ATP8B4: variants seen among roughly 807,000 people sequenced by gnomAD.
ATP8B4 encodes ATPase phospholipid transporting 8B4 (putative).
ATP8B4 carries 133 observed loss-of-function variants against 145.6 expected under a neutral mutation model. The observed-to-expected ratio is 0.91, with a 90% CI of 0.79 to 1.05. The LOEUF is 1.05. Ranked by LOEUF, ATP8B4 falls within the 50% of genes least tolerant of loss-of-function variation. The pLI, the probability that ATP8B4 is intolerant of heterozygous loss-of-function variation, is 0.00. For missense variants in ATP8B4, 1,458 were observed against 1,425.2 expected, an observed-to-expected ratio of 1.02 and a Z score of -0.37; for synonymous variants, 507 against 492.9, an observed-to-expected ratio of 1.03 and a Z score of -0.38.
intron 15 of ATP8B4, among the ~76,000 whole-genome samples, chr15:49,933,778 CTTT>C (rs768567152): frequency 2.6e-5 from 4 of 152,134 alleles, no homozygotes; most frequent in Non-Finnish European, 4.4e-5. Flanking sequence ...GTCCTTGTTT[CTTT>C]TCTTTTTCAC....
chr15:50,089,362 T>A (rs1048466565), intron 2 of ATP8B4, among the ~76,000 whole-genome samples: 2 of 151,944 alleles, frequency 1.3e-5, no homozygotes, highest in South Asian at 2.1e-4. Context: ...TGGGAAAAAA[T>A]TTTTGCAATC....
chr15:50,076,085 T>C (rs999776775), intron 2 of ATP8B4, among the ~76,000 whole-genome samples: 1 of 152,246 alleles, frequency 6.6e-6, no homozygotes, highest in African/African-American at 2.4e-5. Context: ...ATTCAGATGA[T>C]GATCCTTCTA....
intron 25 of ATP8B4, among the ~76,000 whole-genome samples, chr15:49,873,580 A>T (rs1222150094): frequency 6.6e-6 from 1 of 152,166 alleles, no homozygotes; most frequent in Non-Finnish European, 1.5e-5. Flanking sequence ...CTGATTTGTG[A>T]TTACATGTGA....
At chr15:49,886,387 T>C (rs1382833038) in intron 23 of ATP8B4, among the ~76,000 whole-genome samples, 4 of 152,000 alleles carry the variant, frequency 2.6e-5, no homozygotes, top group Non-Finnish European at 4.4e-5. Context: ...GTGAGCACCA[T>C]ATTATGGAAG....
chr15:50,043,239 CCCAAGACTATGT>C (rs1226183084), intron 5 of ATP8B4, among the ~76,000 whole-genome samples: 1 of 152,160 alleles, frequency 6.6e-6, no homozygotes, highest in African/African-American at 2.4e-5. Flanking sequence ...GTTTGGTTTT[CCCAAGACTATGT>C]TTTGTCTTTG....
At position 50,070,568 on chromosome 15, in the gene ATP8B4, A is replaced by G. The variant is rs112223646; in HGVS notation, c.87+3559T>C. 5.9e-5 allele frequency among the ~76,000 whole-genome samples: 9 copies of G among 152,278 alleles called. 2 individuals are homozygous for G. Among genetic ancestry groups the G allele is most frequent in the African/African-American group, 2.2e-4 (9 of 41,558 alleles). On this transcript the variant is annotated intron_variant, in intron 3 of 27. Coordinates refer to ENST00000284509, the MANE Select transcript of ATP8B4 (RefSeq NM_024837.4). ...TGTAGTTGGGGGTCCCATGCTCCTAAGAGCATGGCAGGTGCTCATTTTCTC... is the reference window on the plus strand; with the variant it reads ...TGTAGTTGGGGGTCCCATGCTCCTAGGAGCATGGCAGGTGCTCATTTTCTC...
chr15:49,972,874 G>C (rs77124965), intron 12 of ATP8B4, 84 bp from the exon 13 acceptor site: 57,718 of 1,379,666 alleles, frequency 0.042, 1,875 homozygotes, highest in East Asian at 0.18. Context: ...TAAGAAGTCT[G>C]CCAAAGTCTC....
intron 23 of ATP8B4, among the ~76,000 whole-genome samples, chr15:49,881,482 T>C (rs1314298979): frequency 6.6e-6 from 1 of 152,206 alleles, no homozygotes; most frequent in Non-Finnish European, 1.5e-5. Context: ...AGTTCCAAGA[T>C]ACCACAGCCT....
intron 13 of ATP8B4, among the ~76,000 whole-genome samples, chr15:49,962,264 G>T (rs1005961399): frequency 6.6e-6 from 1 of 152,186 alleles, no homozygotes; most frequent in Non-Finnish European, 1.5e-5. Context: ...AACAAAAAAT[G>T]AAGCAATTAT....
chr15:49,983,241 C>A (rs1242676495), intron 10 of ATP8B4, among the ~76,000 whole-genome samples: 1 of 152,150 alleles, frequency 6.6e-6, no homozygotes, highest in South Asian at 2.1e-4. Context: ...TATTTTGTTG[C>A]CTGTATATTT....
intron 14 of ATP8B4, among the ~76,000 whole-genome samples, chr15:49,952,611 A>T (rs1357835969): frequency 6.6e-6 from 1 of 152,058 alleles, no homozygotes; most frequent in Non-Finnish European, 1.5e-5. Flanking sequence ...TTTTATCAAG[A>T]TTCTTAGGTT....
upstream of ATP8B4, among the ~76,000 whole-genome samples, chr15:50,120,201 T>C (rs537820037): frequency 2.4e-4 from 37 of 152,220 alleles, no homozygotes; most frequent in Admixed American, 3.9e-4. Context: ...TCCACTCTCC[T>C]GGAACATCCT....
intron 16 of ATP8B4, among the ~76,000 whole-genome samples, chr15:49,926,225 A>T (rs2040708999): frequency 6.6e-6 from 1 of 152,062 alleles, no homozygotes; most frequent in Non-Finnish European, 1.5e-5. Context: ...AGCACACCAA[A>T]CTCATACTGG....
In ATP8B4 at chr15:50,016,187, T is replaced by G. The variant is rs749959832; in HGVS notation, c.363-5270A>C. ...AGCCTGCTGAATGTTTTACAGGAAA[T>G]GTATTCTCTTTCATCATTTTCCTAA... On this transcript the variant is annotated intron_variant, in intron 6 of 27. Transcript: ENST00000284509. Among the ~76,000 whole-genome samples, 37 of 152,208 alleles carry G rather than the reference T, an allele frequency of 2.4e-4. 1 individual carries two copies. The highest frequency in any genetic ancestry group is 4.3e-4 in the Non-Finnish European group (29 of 68,028).
chr15:49,890,821 C>T (rs553953851), intron 23 of ATP8B4, among the ~76,000 whole-genome samples: 1 of 152,278 alleles, frequency 6.6e-6, no homozygotes, highest in South Asian at 2.1e-4. Context: ...TCCGAGCCAC[C>T]TTCACAGCCA....
chr15:50,015,932 A>C (rs1851443262), intron 6 of ATP8B4, among the ~76,000 whole-genome samples: 1 of 152,194 alleles, frequency 6.6e-6, no homozygotes, highest in Admixed American at 6.6e-5. Context: ...CTCTCTCACC[A>C]ATTTTGCCAG....
At chr15:49,893,047 C>A (rs1191307309) in intron 23 of ATP8B4, among the ~76,000 whole-genome samples, 2 of 152,172 alleles carry the variant, frequency 1.3e-5, no homozygotes, top group African/African-American at 4.8e-5. Context: ...CCACAGGGAA[C>A]TGGATGAAGT....
intron 1 of ATP8B4, among the ~76,000 whole-genome samples, chr15:50,128,089 T>C (rs1399257158): frequency 6.6e-6 from 1 of 152,152 alleles, no homozygotes; most frequent in East Asian, 1.9e-4. Flanking sequence ...GTGTTTCGTT[T>C]TGTATCCAGT....
intron 25 of ATP8B4, among the ~76,000 whole-genome samples, chr15:49,875,115 C>G (rs1178225963): frequency 6.6e-6 from 1 of 152,218 alleles, no homozygotes; most frequent in Non-Finnish European, 1.5e-5. Flanking sequence ...CACATGCACA[C>G]ACACATACAC....
Sources: gnomAD v4.1 joint callset for allele counts (sites outside exome capture counted in the v4.1 genomes callset) on GRCh38, gnomAD v4.1.1 for gene constraint, MANE v1.5 for transcripts, NCBI Gene and HGNC (gene_info 2026-07-23, HGNC 2026-07-21) for gene names.